The following ZNF445 variants were observed in gnomAD, a reference collection of about 807,000 sequenced individuals.
The protein encoded by ZNF445 is zinc finger protein 445.
A neutral mutation model predicts 93.9 loss-of-function variants in ZNF445; 19 were observed. The observed-to-expected ratio is 0.20, with a 90% CI of 0.14 to 0.30. The LOEUF (loss-of-function observed/expected upper bound fraction) is 0.30. Among genes scored for constraint, ZNF445 ranks in the 10% least tolerant of loss-of-function variants. The pLI, the probability that ZNF445 is intolerant of heterozygous loss-of-function variation, is 1.00. For missense variants in ZNF445, 1,058 were observed against 1,259.4 expected (o/e 0.84, Z 2.42); for synonymous variants, 449 against 446.3 (o/e 1.01, Z -0.08).
rs1697817444 is a variant in ZNF445 at position 44,441,950 on chromosome 3, T to A, written c.*4625A>T. 1 of 152,236 alleles carries A rather than the reference T, an allele frequency of 6.6e-6. No homozygotes were observed. Among genetic ancestry groups the A allele is most frequent in the Admixed American group, 6.5e-5 (1 of 15,278 alleles). 9.4% of individuals were successfully genotyped at this position (152,236 alleles called of 1,614,324 possible). A position where few individuals can be genotyped will look rare whatever the true frequency, so the allele number is the denominator to read the frequency against. On this transcript the variant is annotated 3_prime_UTR_variant, in exon 8 of 8. Transcript: ENST00000396077. ...AACACTTTCTATATGTCCACAAGGC[T>A]TACATGCTAGACACTATTCTAAGCA...
Position 44,446,365 on chromosome 3 carries a change from C to T in ZNF445, c.*210G>A, listed in dbSNP as rs947815969. The T allele has an allele frequency of 8.8e-5, 59 of 669,506 alleles. No homozygotes were observed. Among genetic ancestry groups the T allele is most frequent in the Non-Finnish European group, 1.3e-4 (55 of 409,176 alleles). 41.5% of individuals were successfully genotyped at this position (669,506 alleles called of 1,614,324 possible). Reference sequence around the variant, plus strand: ...GGGGCCGGAGTCTCCAGAAGGGCTCCAAAGGACATGGTGCTGCACTTCCCC... The same window carrying T: ...GGGGCCGGAGTCTCCAGAAGGGCTCTAAAGGACATGGTGCTGCACTTCCCC... On this transcript the variant is annotated 3_prime_UTR_variant, in exon 8 of 8. Coordinates refer to ENST00000396077, the MANE Select transcript of ZNF445 (RefSeq NM_181489.6). The surrounding 1 kb of genome is among the most constrained non-coding windows in gnomAD (Gnocchi z 4.2).
intron 1 of ZNF445, among the ~76,000 whole-genome samples, chr3:44,462,194 T>C (rs1484297293): frequency 6.6e-6 from 1 of 152,206 alleles, no homozygotes; most frequent in East Asian, 1.9e-4. Flanking sequence ...AAGTCCACTT[T>C]TCAAGCCAGC....
In ZNF445 at chr3:44,437,891, C is replaced by T. The variant is rs1697719134; in HGVS notation, c.*8684G>A. ...GAAATATGTTACAGGAAAGGGGTCC[C>T]AATTCAATCCTAGAGGGTAGGAATG... On this transcript the variant is annotated 3_prime_UTR_variant, in exon 8 of 8. Coordinates refer to ENST00000396077, the MANE Select transcript of ZNF445 (RefSeq NM_181489.6). 1 of 152,234 alleles carries T rather than the reference C, an allele frequency of 6.6e-6. No homozygotes were observed. Among genetic ancestry groups the T allele is most frequent in the South Asian group, 2.0e-4 (1 of 4,938 alleles). The allele number at this position is 152,234 out of a possible 1,614,324, so 9.4% of individuals were successfully genotyped here.
chr3:44,462,881 G>C (rs1302927841), intron 1 of ZNF445, among the ~76,000 whole-genome samples: 2 of 151,804 alleles, frequency 1.3e-5, no homozygotes, highest in Non-Finnish European at 2.9e-5. Flanking sequence ...AGAGTGCTAT[G>C]GTTAAAAGCT....
rs1423143377 is a variant in ZNF445 at position 44,436,659 on chromosome 3, T to C, written c.*9916A>G. 2.6e-5 allele frequency: 4 copies of C among 152,160 alleles called. No homozygotes were observed. Among genetic ancestry groups the C allele is most frequent in the Non-Finnish European group, 1.5e-5 (1 of 68,026 alleles). The allele number at this position is 152,160 out of a possible 1,614,324, so 9.4% of individuals were successfully genotyped here. Reference sequence around the variant, plus strand: ...TTTGCATTCGTGTTTTTTTTTTCTTTTGGAGATGAGTTCTCACTATATTGC... The same window carrying C: ...TTTGCATTCGTGTTTTTTTTTTCTTCTGGAGATGAGTTCTCACTATATTGC... On this transcript the variant is annotated 3_prime_UTR_variant, in exon 8 of 8. Transcript: ENST00000396077.
intron 1 of ZNF445, among the ~76,000 whole-genome samples, chr3:44,476,481 G>GCAGACACACACA (rs1352542117): frequency 3.3e-5 from 5 of 151,330 alleles, no homozygotes; most frequent in Non-Finnish European, 1.5e-5. Context: ...ACACACACAC[G>GCAGACACACACA]CAGACACACA....
At position 44,440,963 on chromosome 3, in the gene ZNF445, G is replaced by C. The variant is rs913578915; in HGVS notation, c.*5612C>G. On this transcript the variant is annotated 3_prime_UTR_variant, in exon 8 of 8. Coordinates refer to ENST00000396077, the MANE Select transcript of ZNF445 (RefSeq NM_181489.6). ...GAGTCTTGCTCTGTCACCCAGGCTGGAGTGCAGTGGCACCATCTTGGCTCA... is the reference window on the plus strand; with the variant it reads ...GAGTCTTGCTCTGTCACCCAGGCTGCAGTGCAGTGGCACCATCTTGGCTCA... 1.3e-5 allele frequency: 2 copies of C among 150,302 alleles called. No homozygotes were observed. Among genetic ancestry groups the C allele is most frequent in the African/African-American group, 2.5e-5 (1 of 40,718 alleles). The allele number at this position is 150,302 out of a possible 1,614,324, so 9.3% of individuals were successfully genotyped here.
intron 1 of ZNF445, among the ~76,000 whole-genome samples, chr3:44,468,730 G>C (rs1036735406): frequency 1.4e-5 from 2 of 139,252 alleles, no homozygotes; most frequent in Admixed American, 8.4e-5. Context: ...GACTCGCTAT[G>C]ATTTCATCTC....
chr3:44,450,815 C>T, intron 5 of ZNF445, 53 bp downstream of exon 5: 1 of 1,430,242 alleles, frequency 7.0e-7, no homozygotes, highest in Non-Finnish European at 9.4e-7. Flanking sequence ...TGCACTATCC[C>T]ATTAGGCAGC....
intron 1 of ZNF445, among the ~76,000 whole-genome samples, chr3:44,474,304 C>T (rs1698312210): frequency 6.6e-6 from 1 of 152,094 alleles, no homozygotes; most frequent in Non-Finnish European, 1.5e-5. Context: ...CACCTGAGGT[C>T]GGGAGTTTGA....
intron 2 of ZNF445, among the ~76,000 whole-genome samples, chr3:44,456,550 T>C (rs557662896): frequency 6.6e-6 from 1 of 152,312 alleles, no homozygotes; most frequent in Admixed American, 6.5e-5. Flanking sequence ...CAATTCTGTG[T>C]AGTACTGGTG....
At chr3:44,477,430 G>T (rs919247464) in intron 1 of ZNF445, among the ~76,000 whole-genome samples, 161 bp downstream of exon 1, 2 of 151,812 alleles carry the variant, frequency 1.3e-5, no homozygotes, top group Non-Finnish European at 3.0e-5. Context: ...CGCCCTCAGC[G>T]TGGCGGGGGC....
At position 44,447,563 on chromosome 3, in the gene ZNF445, T is replaced by C; in HGVS notation, c.2108A>G (p.His703Arg). The C allele has an allele frequency of 6.2e-7, 1 of 1,614,228 alleles. No homozygotes were observed. Among genetic ancestry groups the C allele is most frequent in the Non-Finnish European group, 8.5e-7 (1 of 1,180,030 alleles). The stretch of plus-strand genomic sequence containing the variant: ...ACACTGGTAAGGTTTCTCACCTGTG[T>C]GAATTCTCTGGTGGTCAACGAGAGT... ...KKTLVDHQRIHTGEKPYQCSD... is the reference protein window; with the variant it reads ...KKTLVDHQRIRTGEKPYQCSD... Residue 703 changes from histidine (H) to arginine (R), a missense_variant, in exon 8 of 8, where the codon CAC becomes CGC. His to Arg is a conservative substitution (Grantham distance 29). Coordinates refer to ENST00000396077, the MANE Select transcript of ZNF445 (RefSeq NM_181489.6). The surrounding 1 kb of genome is among the most constrained non-coding windows in gnomAD (Gnocchi z 4.7).
At chr3:44,456,792 T>C (rs1698033265) in intron 2 of ZNF445, among the ~76,000 whole-genome samples, 2 of 152,252 alleles carry the variant, frequency 1.3e-5, no homozygotes, top group Non-Finnish European at 2.9e-5. Context: ...AAACTACTAA[T>C]CCAGCTTCCC....
intron 3 of ZNF445, among the ~76,000 whole-genome samples, chr3:44,453,254 T>G (rs1326026974): frequency 7.2e-5 from 11 of 151,746 alleles, no homozygotes; most frequent in African/African-American, 2.7e-4. Context: ...GAATCATATA[T>G]ATATGTATAT....
rs374645093 is a variant in ZNF445 at position 44,442,455 on chromosome 3, G to A, written c.*4120C>T. The A allele has an allele frequency of 7.2e-5, 11 of 152,162 alleles. No individual in the cohort carries two copies. The highest frequency in any genetic ancestry group is 2.0e-4 in the Admixed American group (3 of 15,276). 9.4% of individuals were successfully genotyped at this position (152,162 alleles called of 1,614,324 possible). On this transcript the variant is annotated 3_prime_UTR_variant, in exon 8 of 8. Coordinates refer to ENST00000396077, the MANE Select transcript of ZNF445 (RefSeq NM_181489.6). ...TACTCATAAAGCAGTGTGAATTATC[G>A]TTGTTCCACGCACTTACCCACACTT...
rs767369048 is a variant in ZNF445 at position 44,455,366 on chromosome 3, G to A, written c.184C>T (p.Arg62Cys). Residue 62 changes from arginine (R) to cysteine (C), a missense_variant, in exon 3 of 8, where the codon CGC becomes TGC. Arg to Cys is a radical substitution (Grantham distance 180, BLOSUM62 -3). Coordinates refer to ENST00000396077, the MANE Select transcript of ZNF445 (RefSeq NM_181489.6). ...AGGGGCCCTGAAGACTCATGGTAGC[G>A]AAGCTGTCTGAAGAGCTGGCGGAAC... The part of the protein sequence containing the change: ...ELFRQLFRQL[R>C]YHESSGPLET... 8 of 1,614,096 alleles carry A rather than the reference G, an allele frequency of 5.0e-6. No homozygotes were observed. Among genetic ancestry groups the A allele is most frequent in the South Asian group, 4.4e-5 (4 of 91,082 alleles).
At chr3:44,477,218 C>G (rs1305716068) in intron 1 of ZNF445, among the ~76,000 whole-genome samples, 1 of 152,200 alleles carries the variant, frequency 6.6e-6, no homozygotes, top group Non-Finnish European at 1.5e-5. Flanking sequence ...GAATTATGCA[C>G]AGATATTTTA....
chr3:44,441,634 CAG>C lies in ZNF445; in HGVS notation c.*4939_*4940del, dbSNP rs1376614509. On this transcript the variant is annotated 3_prime_UTR_variant, in exon 8 of 8. Transcript: ENST00000396077. The stretch of plus-strand genomic sequence containing the variant: ...GGATTTCTATAAAGTCATAAGATGT[CAG>C]AGACTATGCTTAAGAAATATTTTTA... The C allele has an allele frequency of 3.3e-5, 5 of 152,170 alleles. No individual in the cohort carries two copies. The highest frequency in any genetic ancestry group is 1.2e-4 in the African/African-American group (5 of 41,436). 9.4% of individuals were successfully genotyped at this position (152,170 alleles called of 1,614,324 possible).
Sources: gnomAD v4.1 joint callset for allele counts (sites outside exome capture counted in the v4.1 genomes callset) on GRCh38, gnomAD v4.1.1 for gene constraint, Gnocchi (gnomAD v3.1) non-coding constraint, MANE v1.5 for transcripts, NCBI Gene and HGNC (gene_info 2026-07-23, HGNC 2026-07-21) for gene names.